BBS9: variants seen among roughly 807,000 people sequenced by gnomAD.
The protein encoded by BBS9 is Bardet-Biedl syndrome 9, also known as protein PTHB1.
Under a neutral mutation model 117.7 loss-of-function variants are expected in BBS9, and 89 were observed. The observed-to-expected ratio is 0.76, with a 90% CI of 0.64 to 0.90. The LOEUF is 0.90. Among genes scored for constraint, BBS9 ranks in the 40% least tolerant of loss-of-function variants. BBS9 has a pLI of 0.00. For missense variants in BBS9, 982 were observed against 1,042.2 expected (o/e 0.94, Z 0.80); for synonymous variants, 379 against 370.9 (o/e 1.02, Z -0.25).
At chr7:33,431,494 G>T (rs1422413138) in intron 19 of BBS9, among the ~76,000 whole-genome samples, 1 of 152,148 alleles carries the variant, frequency 6.6e-6, no homozygotes, top group Non-Finnish European at 1.5e-5. Flanking sequence ...GCCTTAGGGA[G>T]GTGATTAGAT....
chr7:33,363,171 C>T (rs976480453), intron 16 of BBS9, among the ~76,000 whole-genome samples: 17 of 152,150 alleles, frequency 1.1e-4, no homozygotes, highest in African/African-American at 3.1e-4. Flanking sequence ...GGTACAATCT[C>T]GTCTCACTGC....
At chr7:33,475,115 CTT>C in intron 19 of BBS9, among the ~76,000 whole-genome samples, 1 of 152,276 alleles carries the variant, frequency 6.6e-6, no homozygotes, top group Middle Eastern at 3.4e-3. Context: ...GGTTGGCAAA[CTT>C]TTTCTTAAAG....
At chr7:33,490,700 T>C (rs1843774075) in intron 19 of BBS9, among the ~76,000 whole-genome samples, 1 of 152,244 alleles carries the variant, frequency 6.6e-6, no homozygotes, top group Non-Finnish European at 1.5e-5. Flanking sequence ...AATAAACATA[T>C]ATTTTATTTT....
chr7:33,502,625 C>T (rs915627785), intron 19 of BBS9, among the ~76,000 whole-genome samples: 1 of 152,204 alleles, frequency 6.6e-6, no homozygotes, highest in Non-Finnish European at 1.5e-5. Flanking sequence ...ACAATAGGTT[C>T]TTTCTCCTGA....
chr7:33,141,450 C>T (rs114334844), intron 1 of BBS9, among the ~76,000 whole-genome samples: 4 of 152,186 alleles, frequency 2.6e-5, no homozygotes, highest in East Asian at 3.9e-4. Flanking sequence ...ACTGCAGCCT[C>T]GAACTCCTGG....
chr7:33,175,637 A>G (rs1356769464), intron 4 of BBS9, among the ~76,000 whole-genome samples: 1 of 152,124 alleles, frequency 6.6e-6, no homozygotes, highest in Non-Finnish European at 1.5e-5. Context: ...TTACTTGAAC[A>G]TGGTCTGGTC....
chr7:33,461,007 T>C (rs1226564930), intron 19 of BBS9, among the ~76,000 whole-genome samples: 1 of 152,058 alleles, frequency 6.6e-6, no homozygotes, highest in African/African-American at 2.4e-5. Context: ...TGCATCTGAC[T>C]TCTTTTACTT....
At chr7:33,606,233 T>A (rs1429850505), downstream of BBS9, among the ~76,000 whole-genome samples, 1 of 152,212 alleles carries the variant, frequency 6.6e-6, no homozygotes, top group Non-Finnish European at 1.5e-5. Context: ...TTTATAGCCA[T>A]GATATGAGCA....
intron 21 of BBS9, among the ~76,000 whole-genome samples, chr7:33,534,894 C>G (rs1851136652): frequency 6.6e-6 from 1 of 152,176 alleles, no homozygotes; most frequent in African/African-American, 2.4e-5. Context: ...TTAATTGATG[C>G]AGCAGCTATA....
At position 33,190,985 on chromosome 7, in the gene BBS9, G is replaced by A. The variant is rs78242945; in HGVS notation, c.442+13394G>A. 6.6e-4 allele frequency among the ~76,000 whole-genome samples: 100 copies of A among 152,310 alleles called. 1 individual carries two copies. The East Asian group carries it at 7.9e-3, about 12-fold the overall frequency. Reference sequence around the variant, plus strand: ...GTAGAACACAATAAGCTTTATTTGCGTGGTGCTTTGGCAGGATTGCATTCA... The same window carrying A: ...GTAGAACACAATAAGCTTTATTTGCATGGTGCTTTGGCAGGATTGCATTCA... On this transcript the variant is annotated intron_variant, in intron 5 of 22. Transcript: ENST00000242067.
At chr7:33,565,822 T>C (rs1330926001) in intron 21 of BBS9, among the ~76,000 whole-genome samples, 6 of 48,992 alleles carry the variant, frequency 1.2e-4, no homozygotes, top group Middle Eastern at 0.013. Flanking sequence ...TATATATATA[T>C]ATATACCGCT....
At chr7:33,283,718 T>C (rs1679937296) in intron 9 of BBS9, among the ~76,000 whole-genome samples, 1 of 152,216 alleles carries the variant, frequency 6.6e-6, no homozygotes, top group South Asian at 2.1e-4. Flanking sequence ...TTTCCTTTTT[T>C]TGCAATTTCC....
chr7:33,311,177 A>G (rs1809145068), intron 9 of BBS9, among the ~76,000 whole-genome samples: 2 of 152,240 alleles, frequency 1.3e-5, no homozygotes, highest in South Asian at 4.2e-4. Context: ...AGGGGCATGG[A>G]AGATGACCAC....
At chr7:33,377,386 G>A (rs1824092036) in intron 17 of BBS9, among the ~76,000 whole-genome samples, 2 of 152,092 alleles carry the variant, frequency 1.3e-5, no homozygotes, top group Non-Finnish European at 1.5e-5. Context: ...GATTTGTCTG[G>A]TTTTGTACCA....
intron 5 of BBS9, among the ~76,000 whole-genome samples, chr7:33,191,864 C>A (rs1182171476): frequency 6.6e-6 from 1 of 151,744 alleles, no homozygotes; most frequent in African/African-American, 2.4e-5. Context: ...TCCTCACTTT[C>A]AGTATTCTTC....
At chr7:33,587,957 G>T (rs569248540) in intron 21 of BBS9, among the ~76,000 whole-genome samples, 3 of 152,124 alleles carry the variant, frequency 2.0e-5, no homozygotes, top group East Asian at 1.9e-4. Flanking sequence ...ATGCCCCAGT[G>T]GATATAACAT....
At chr7:33,614,481 C>A (rs1415382437) in intron 21 of BBS9, among the ~76,000 whole-genome samples, 1 of 151,892 alleles carries the variant, frequency 6.6e-6, no homozygotes, top group African/African-American at 2.4e-5. Context: ...AAGGGAAAAC[C>A]TGAAAAAAAT....
At chr7:33,337,033 C>G (rs996016394) in intron 10 of BBS9, among the ~76,000 whole-genome samples, 2 of 152,050 alleles carry the variant, frequency 1.3e-5, no homozygotes, top group African/African-American at 4.8e-5. Context: ...CATGAGCTAC[C>G]ATTTTGCTAC....
At chr7:33,374,321 A>G (rs898633487) in intron 17 of BBS9, among the ~76,000 whole-genome samples, 1 of 152,150 alleles carries the variant, frequency 6.6e-6, no homozygotes, top group African/African-American at 2.4e-5. Context: ...TCATGTGGTA[A>G]GGGCTCTGTG....
Sources: allele counts gnomAD v4.1 joint callset (sites outside exome capture counted in the v4.1 genomes callset), GRCh38; gene constraint gnomAD v4.1.1; transcripts MANE v1.5; gene names NCBI Gene and HGNC (gene_info 2026-07-23, HGNC 2026-07-21).